MICU1: variants seen among roughly 807,000 people sequenced by gnomAD.
The protein encoded by MICU1 is calcium uptake protein 1, mitochondrial.
Under a neutral mutation model 56.8 loss-of-function variants are expected in MICU1, and 45 were observed. The observed-to-expected ratio is 0.79, with a 90% CI of 0.62 to 1.02. The LOEUF is 1.02. Ranked by LOEUF, MICU1 falls within the 50% of genes least tolerant of loss-of-function variation. The probability of loss-of-function intolerance (pLI) is 0.00; values close to 1 mark genes in which losing one functional copy is unlikely to be tolerated. For synonymous variants in MICU1, 186 were observed against 195.1 expected (o/e 0.95, Z 0.39); for missense variants, 504 against 587.1 (o/e 0.86, Z 1.46).
chr10:72,452,381 A>G (rs1865326894), intron 8 of MICU1, among the ~76,000 whole-genome samples: 1 of 152,200 alleles, frequency 6.6e-6, no homozygotes, highest in Admixed American at 6.5e-5. Flanking sequence ...AGGGAAGTTA[A>G]TCAGTATTTT....
chr10:72,522,315 T>C (rs1867847765), intron 5 of MICU1, among the ~76,000 whole-genome samples: 2 of 152,114 alleles, frequency 1.3e-5, no homozygotes, highest in Admixed American at 6.6e-5. Flanking sequence ...AAGCTAAAGA[T>C]GAAGGTGTAA....
intron 8 of MICU1, among the ~76,000 whole-genome samples, chr10:72,444,426 CTATG>C (rs1865040887): frequency 6.9e-6 from 1 of 144,044 alleles, no homozygotes; most frequent in African/African-American, 2.6e-5. Flanking sequence ...TTATATACTT[CTATG>C]TGAGAGTCTT....
At chr10:72,381,491 G>A (rs1482933844) in intron 10 of MICU1, among the ~76,000 whole-genome samples, 1 of 152,184 alleles carries the variant, frequency 6.6e-6, no homozygotes, top group Non-Finnish European at 1.5e-5. Flanking sequence ...TGGGGTGAGG[G>A]GAGGGGAAAC....
chr10:72,539,037 G>T (rs527473666), intron 4 of MICU1, among the ~76,000 whole-genome samples: 51 of 152,142 alleles, frequency 3.4e-4, no homozygotes, highest in African/African-American at 1.2e-3. Flanking sequence ...TCATTAAGAA[G>T]ATATGACAAT....
chr10:72,510,809 T>G (rs1222902790), intron 5 of MICU1, among the ~76,000 whole-genome samples: 2 of 152,106 alleles, frequency 1.3e-5, no homozygotes, highest in Admixed American at 6.5e-5. Flanking sequence ...ATTTTTGTAT[T>G]TTTAGTAGAG....
At chr10:72,410,241 T>C (rs950516013) in intron 9 of MICU1, among the ~76,000 whole-genome samples, 7 of 152,186 alleles carry the variant, frequency 4.6e-5, no homozygotes, top group Non-Finnish European at 8.8e-5. Context: ...CCACAATTTG[T>C]TTATCCATTC....
intron 1 of MICU1, among the ~76,000 whole-genome samples, chr10:72,573,330 A>C (rs1374380370): frequency 6.7e-6 from 1 of 148,916 alleles, no homozygotes; most frequent in African/African-American, 2.5e-5. Context: ...AAAAAAAAAA[A>C]AAAAACTAAG....
At chr10:72,449,037 G>C (rs1401778809) in intron 8 of MICU1, among the ~76,000 whole-genome samples, 1 of 152,256 alleles carries the variant, frequency 6.6e-6, no homozygotes, top group East Asian at 1.9e-4. Flanking sequence ...GGGCTCAAGC[G>C]ATCTTCCTGC....
intron 6 of MICU1, among the ~76,000 whole-genome samples, chr10:72,486,616 C>T (rs111398235): frequency 2.0e-5 from 3 of 152,128 alleles, no homozygotes; most frequent in Non-Finnish European, 2.9e-5. Context: ...AGATTGCAGG[C>T]GTGAGCCACC....
At chr10:72,405,562 C>T (rs1185342936) in intron 10 of MICU1, among the ~76,000 whole-genome samples, 1 of 139,430 alleles carries the variant, frequency 7.2e-6, no homozygotes, top group African/African-American at 2.6e-5. Context: ...GACATAAAAC[C>T]CGAAAAGACA....
intron 10 of MICU1, among the ~76,000 whole-genome samples, chr10:72,394,777 C>T (rs1016233408): frequency 8.5e-5 from 13 of 152,182 alleles, no homozygotes; most frequent in African/African-American, 2.4e-4. Context: ...TCAAGACCAG[C>T]GTGGTCAACA....
At chr10:72,577,054 G>A (rs1236618766) in intron 1 of MICU1, among the ~76,000 whole-genome samples, 1 of 152,156 alleles carries the variant, frequency 6.6e-6, no homozygotes, top group African/African-American at 2.4e-5. Context: ...GGAGCTGGAG[G>A]CCATTCTTCT....
At position 72,368,338 on chromosome 10, in the gene MICU1, T is replaced by C. The variant is rs758684444; in HGVS notation, c.1288A>G (p.Asn430Asp). The C allele has an allele frequency of 1.1e-5, 17 of 1,613,734 alleles. No individual in the cohort carries two copies. The East Asian group carries it at 3.8e-4, about 36-fold the overall frequency. ...TTCATGATGGAAACAAATTCCTTATTGCTCAGTTCGCCATTGCCTAGAGGA... is the reference window on the plus strand; with the variant it reads ...TTCATGATGGAAACAAATTCCTTATCGCTCAGTTCGCCATTGCCTAGAGGA... ...FDCDGNGELS[N>D]KEFVSIMKQR... Residue 430 changes from asparagine (N) to aspartate (D), a missense_variant, in exon 12 of 12, where the codon AAT (asparagine) becomes GAT (aspartate). Coordinates refer to ENST00000361114, the MANE Select transcript of MICU1 (RefSeq NM_001195518.2).
rs561174581 is a variant in MICU1, at chr10:72,458,175, A to G, written c.933+16925T>C. On this transcript the variant is annotated intron_variant, in intron 8 of 11. Coordinates refer to ENST00000361114, the MANE Select transcript of MICU1 (RefSeq NM_001195518.2). ...GAGTAAAAATCCATCTCAAAAAAAA[A>G]AAAGAAAGAAAAGAAAAGCATTTCT... Among the ~76,000 whole-genome samples, 12 of 152,156 alleles carry G rather than the reference A, an allele frequency of 7.9e-5. 1 individual carries two copies. The South Asian group carries it at 2.5e-3, about 32-fold the overall frequency.
chr10:72,440,152 C>T (rs1023029389), intron 8 of MICU1, among the ~76,000 whole-genome samples: 1 of 152,162 alleles, frequency 6.6e-6, no homozygotes, highest in Non-Finnish European at 1.5e-5. Context: ...TCAAACTATA[C>T]TACAAGGCTA....
intron 1 of MICU1, among the ~76,000 whole-genome samples, chr10:72,589,284 G>A (rs1841155236): frequency 1.3e-5 from 2 of 148,778 alleles, no homozygotes; most frequent in Non-Finnish European, 3.0e-5. Context: ...CTGAAACTCC[G>A]TCTCAGGGAA....
chr10:72,425,861 G>A, intron 8 of MICU1, among the ~76,000 whole-genome samples: 1 of 152,088 alleles, frequency 6.6e-6, no homozygotes. Context: ...ACTATGCTAA[G>A]GCTAGGGAAC....
At chr10:72,460,398 C>T (rs1865606334) in intron 8 of MICU1, among the ~76,000 whole-genome samples, 1 of 152,028 alleles carries the variant, frequency 6.6e-6, no homozygotes. Flanking sequence ...GTTTATATTT[C>T]ATTAGTCATG....
intron 1 of MICU1, among the ~76,000 whole-genome samples, chr10:72,624,012 C>G (rs545218433): frequency 1.3e-5 from 2 of 152,136 alleles, no homozygotes; most frequent in East Asian, 3.9e-4. Context: ...AAAAATGGCT[C>G]AAGAGATAAA....
Sources: allele counts gnomAD v4.1 joint callset (sites outside exome capture counted in the v4.1 genomes callset), GRCh38; gene constraint gnomAD v4.1.1; transcripts MANE v1.5; gene names NCBI Gene and HGNC (gene_info 2026-07-23, HGNC 2026-07-21).